TBC1D9: variants seen among roughly 807,000 people sequenced by gnomAD.
The protein encoded by TBC1D9 is TBC1 domain family member 9A.
TBC1D9 carries 63 observed loss-of-function variants against 132.0 expected under a neutral mutation model. That is an observed-to-expected ratio of 0.48 (90% CI 0.39 to 0.59). The LOEUF is 0.59. TBC1D9 is among the 20% of genes least tolerant of loss of function. TBC1D9 has a pLI of 0.00. For missense variants in TBC1D9, 1,261 were observed against 1,592.7 expected (o/e 0.79, Z 3.54); for synonymous variants, 610 against 609.9 (o/e 1.00, Z 0.00).
chr4:140,653,953 C>T (rs961864321), intron 13 of TBC1D9, among the ~76,000 whole-genome samples: 8 of 152,188 alleles, frequency 5.3e-5, no homozygotes, highest in Admixed American at 3.3e-4. Context: ...TTTGCTTTCG[C>T]TTTAAAAATG....
intron 11 of TBC1D9, among the ~76,000 whole-genome samples, chr4:140,659,228 C>A (rs760681261): frequency 6.6e-6 from 1 of 152,076 alleles, no homozygotes; most frequent in Non-Finnish European, 1.5e-5. Context: ...CTTTTTTTGG[C>A]AACACCTCTG....
intron 13 of TBC1D9, chr4:140,643,702 A>C: frequency 3.3e-6 from 4 of 1,199,532 alleles, no homozygotes; most frequent in Non-Finnish European, 3.4e-6. Context: ...CCCAGGTCCA[A>C]TGCGGCCGTG....
chr4:140,642,858 T>C, intron 13 of TBC1D9: 1 of 575,098 alleles, frequency 1.7e-6, no homozygotes, highest in Non-Finnish European at 3.1e-6. Context: ...GTGGGTCTGT[T>C]TCCACGGCCT....
At chr4:140,642,325 C>T (rs1218540771) in intron 13 of TBC1D9, 2 of 779,282 alleles carry the variant, frequency 2.6e-6, no homozygotes, top group Admixed American at 4.4e-5. Flanking sequence ...GCCTTGAACC[C>T]CACCCCTATC....
chr4:140,662,748 ATACT>A (rs1737383686), intron 9 of TBC1D9, among the ~76,000 whole-genome samples: 1 of 152,184 alleles, frequency 6.6e-6, no homozygotes, highest in Admixed American at 6.5e-5. Context: ...TCCATTTGAG[ATACT>A]TACAGTTTAG....
chr4:140,640,255 A>AG (rs1736962250), intron 13 of TBC1D9, among the ~76,000 whole-genome samples: 2 of 151,998 alleles, frequency 1.3e-5, no homozygotes, highest in African/African-American at 4.8e-5. Context: ...CAATATTTAA[A>AG]GGGGAAAAGG....
rs1340319797 is a variant in TBC1D9 at position 140,669,735 on chromosome 4, C to T, written c.1336G>A (p.Glu446Lys). The T allele has an allele frequency of 2.5e-6, 4 of 1,613,894 alleles. No homozygotes were observed. The highest frequency in any genetic ancestry group is 3.4e-6 in the Non-Finnish European group (4 of 1,179,906). Residue 446 changes from glutamate (E) to lysine (K), a missense_variant, in exon 8 of 21, where the codon GAG (glutamate) becomes AAG (lysine). Transcript: ENST00000442267. Reference sequence around the variant, plus strand: ...TTGCCATTTAGGTTAAACTGGCGCTCTCCATCAGCATCAGAGCTCGTGCTT... The same window carrying T: ...TTGCCATTTAGGTTAAACTGGCGCTTTCCATCAGCATCAGAGCTCGTGCTT... The part of the protein sequence containing the change: ...QRSTSSDADG[E>K]RQFNLNGNSV...
At chr4:140,699,460 T>C (rs1327560416) in intron 2 of TBC1D9, among the ~76,000 whole-genome samples, 1 of 152,202 alleles carries the variant, frequency 6.6e-6, no homozygotes, top group South Asian at 2.1e-4. Context: ...ATCATGTTGA[T>C]AAAATGTACA....
At chr4:140,667,557 G>A (rs113042179) in intron 9 of TBC1D9, among the ~76,000 whole-genome samples, 320 of 152,278 alleles carry the variant, frequency 2.1e-3, no homozygotes, top group African/African-American at 7.2e-3. Context: ...TTAGAGATGA[G>A]TTGACTCAAA....
chr4:140,676,198 C>A (rs529098267), intron 6 of TBC1D9, among the ~76,000 whole-genome samples: 2 of 152,216 alleles, frequency 1.3e-5, no homozygotes, highest in Non-Finnish European at 2.9e-5. Context: ...ATCTTGCCCA[C>A]ATTTTCTTTC....
At chr4:140,695,382 TAA>T (rs948419731) in intron 2 of TBC1D9, among the ~76,000 whole-genome samples, 1 of 152,148 alleles carries the variant, frequency 6.6e-6, no homozygotes, top group Middle Eastern at 3.2e-3. Flanking sequence ...TCTGGAATGG[TAA>T]AGAAAAGGGA....
rs1412025747 is a variant in TBC1D9, at chr4:140,727,062, G to A, written c.131-25448C>T. Among the ~76,000 whole-genome samples, 3 of 152,148 alleles carry A rather than the reference G, an allele frequency of 2.0e-5. No homozygotes were observed. In the South Asian group the frequency reaches 6.2e-4, roughly 32 times the overall value. ...AATAAACTTGTATCAAGGTTATCTT[G>A]TTAGCATTCTTAACATCATAACAAA... On this transcript the variant is annotated intron_variant, in intron 1 of 20. Coordinates refer to ENST00000442267, the MANE Select transcript of TBC1D9 (RefSeq NM_015130.3).
intron 1 of TBC1D9, among the ~76,000 whole-genome samples, chr4:140,740,766 T>C (rs1738747033): frequency 6.6e-6 from 1 of 152,190 alleles, no homozygotes; most frequent in South Asian, 2.1e-4. Flanking sequence ...GGAGTGAGAC[T>C]TATACCTCAA....
At chr4:140,656,888 A>G (rs977755610) in intron 13 of TBC1D9, among the ~76,000 whole-genome samples, 1 of 152,162 alleles carries the variant, frequency 6.6e-6, no homozygotes, top group Non-Finnish European at 1.5e-5. Context: ...TCCGGAGGAC[A>G]CTGCATGCAA....
At chr4:140,622,984 A>T (rs1578810760) in intron 20 of TBC1D9, 67 bp from the exon 21 acceptor site, 1 of 1,438,386 alleles carries the variant, frequency 7.0e-7, no homozygotes, top group Non-Finnish European at 9.1e-7. Context: ...ACTGAAGTGG[A>T]CTGTAAAGCC....
At chr4:140,754,738 T>C (rs1738980941) in intron 1 of TBC1D9, among the ~76,000 whole-genome samples, 1 of 151,720 alleles carries the variant, frequency 6.6e-6, no homozygotes, top group Non-Finnish European at 1.5e-5. Context: ...AAAATCCTGG[T>C]ATCAGATCAC....
intron 9 of TBC1D9, among the ~76,000 whole-genome samples, chr4:140,668,514 C>T (rs1320207332): frequency 6.6e-6 from 1 of 152,180 alleles, no homozygotes; most frequent in Non-Finnish European, 1.5e-5. Flanking sequence ...CTCCCAATTC[C>T]CCACCCGATG....
chr4:140,624,028 A>G, intron 20 of TBC1D9, 88 bp downstream of exon 20: 1 of 1,051,522 alleles, frequency 9.5e-7, no homozygotes, highest in Non-Finnish European at 1.4e-6. Flanking sequence ...TTTGATGGGT[A>G]TTGAGTCTAC....
chr4:140,669,283 AG>A (rs1166005277), intron 8 of TBC1D9, among the ~76,000 whole-genome samples: 8 of 152,194 alleles, frequency 5.3e-5, no homozygotes, highest in African/African-American at 1.9e-4. Flanking sequence ...GCCCAGAGTC[AG>A]AATCCTACTT....
Sources: allele counts gnomAD v4.1 joint callset (sites outside exome capture counted in the v4.1 genomes callset), GRCh38; gene constraint gnomAD v4.1.1; transcripts MANE v1.5; gene names NCBI Gene and HGNC (gene_info 2026-07-23, HGNC 2026-07-21).